The following ERI1 variants were observed in gnomAD, a reference collection of about 807,000 sequenced individuals.
ERI1 encodes the protein 3'-5' exoribonuclease 1.
Under a neutral mutation model 39.7 loss-of-function variants are expected in ERI1, and 39 were observed. That is an observed-to-expected ratio of 0.98 (90% CI 0.76 to 1.28). The LOEUF is 1.28. ERI1 is among the 50% of genes most tolerant of loss of function. The pLI is 0.00. For synonymous variants in ERI1, 204 were observed against 149.6 expected, an observed-to-expected ratio of 1.36 and a Z score of -2.65; for missense variants, 581 against 416.9, an observed-to-expected ratio of 1.39 and a Z score of -3.43.
intron 3 of ERI1, among the ~76,000 whole-genome samples, chr8:9,072,849 G>T (rs554414706): frequency 6.6e-6 from 1 of 152,272 alleles, no homozygotes; most frequent in South Asian, 2.1e-4. Flanking sequence ...GAGTGTGCTC[G>T]GGTGAACTGC....
rs912208485 is a variant in ERI1, at chr8:9,002,923, C to A, written c.-141C>A. On this transcript the variant is annotated 5_prime_UTR_variant, in exon 1 of 7. Transcript: ENST00000250263. The stretch of plus-strand genomic sequence containing the variant: ...CACGCTCCCGGAAGTGGGAGGTGGC[C>A]GCTGGAGTTTGTGTGGCCGCCGCCG... 1.9e-6 allele frequency: 1 copy of A among 529,896 alleles called. No individual in the cohort carries two copies. Among genetic ancestry groups the A allele is most frequent in the Non-Finnish European group, 2.9e-6 (1 of 346,966 alleles). The allele number at this position is 529,896 out of a possible 1,614,324, so 32.8% of individuals were successfully genotyped here. A position where few individuals can be genotyped will look rare whatever the true frequency, so the allele number is the denominator to read the frequency against.
At chr8:9,005,158 C>T (rs184278331) in intron 1 of ERI1, among the ~76,000 whole-genome samples, 23 of 152,228 alleles carry the variant, frequency 1.5e-4, no homozygotes, top group Middle Eastern at 3.4e-3. Flanking sequence ...GGAAGAACGT[C>T]AATCAAGAAA....
At chr8:9,067,971 A>G (rs977772568) in intron 3 of ERI1, among the ~76,000 whole-genome samples, 1 of 152,098 alleles carries the variant, frequency 6.6e-6, no homozygotes, top group Admixed American at 6.6e-5. Flanking sequence ...CACAAATATT[A>G]TATAACATTC....
chr8:9,060,493 A>G (rs1798657639), intron 3 of ERI1, among the ~76,000 whole-genome samples: 1 of 152,228 alleles, frequency 6.6e-6, no homozygotes, highest in Admixed American at 6.5e-5. Context: ...CAGATGGAAC[A>G]CTGAGAAGTG....
chr8:9,092,058 G>A (rs1799724499), intron 3 of ERI1, among the ~76,000 whole-genome samples: 1 of 152,180 alleles, frequency 6.6e-6, no homozygotes, highest in Non-Finnish European at 1.5e-5. Flanking sequence ...CTGGGCTCAA[G>A]TGATCCTCCT....
In ERI1 at chr8:9,018,325, C is replaced by G; in HGVS notation, c.611C>G (p.Pro204Arg). Residue 204 changes from proline to arginine, a missense_variant, in exon 5 of 7, where the codon CCT becomes CGT. Pro to Arg is a moderately radical substitution (Grantham distance 103, BLOSUM62 -2). Transcript: ENST00000250263. ...CAGGTAGACAGAGCTGATACCTTCC[C>G]TCAGGTACTAAAAAAAGTAATTGAC... The part of the protein sequence containing the change: ...QDQVDRADTF[P>R]QVLKKVIDWM... The G allele has an allele frequency of 9.9e-6, 16 of 1,612,302 alleles. No homozygotes were observed. The highest frequency in any genetic ancestry group is 1.4e-5 in the Non-Finnish European group (16 of 1,178,634).
At chr8:9,018,203 C>T (rs1817503880) in intron 4 of ERI1, 94 bp from the exon 5 acceptor site, 3 of 615,106 alleles carry the variant, frequency 4.9e-6, no homozygotes, top group Admixed American at 5.7e-5. Flanking sequence ...CTTTCTCATA[C>T]TGTTTCTTCC....
chr8:9,027,224 T>C (rs537143471), intron 6 of ERI1, among the ~76,000 whole-genome samples: 1 of 151,976 alleles, frequency 6.6e-6, no homozygotes, highest in Non-Finnish European at 1.5e-5. Flanking sequence ...ATTGTGGTTT[T>C]GATTTGTATT....
chr8:9,004,234 G>A, intron 1 of ERI1: 1 of 1,240,952 alleles, frequency 8.1e-7, no homozygotes. Flanking sequence ...CCCTTCTCTT[G>A]TAAAGAACCA....
intron 4 of ERI1, among the ~76,000 whole-genome samples, chr8:9,017,842 G>A (rs1817468513): frequency 6.6e-6 from 1 of 152,192 alleles, no homozygotes. Flanking sequence ...GAGGATTTAA[G>A]TATGAGAGTG....
intron 5 of ERI1, among the ~76,000 whole-genome samples, chr8:9,020,038 G>T (rs986003952): frequency 6.6e-6 from 1 of 152,072 alleles, no homozygotes; most frequent in Admixed American, 6.6e-5. Flanking sequence ...ACCATGCTAA[G>T]TCTGGCAGTA....
At chr8:9,034,305 G>A (rs530052449), downstream of ERI1, among the ~76,000 whole-genome samples, 13 of 152,350 alleles carry the variant, frequency 8.5e-5, no homozygotes, top group South Asian at 1.0e-3. Context: ...CACAAGGCAT[G>A]CTTCATTTTA....
intron 1 of ERI1, chr8:9,004,302 TG>T: frequency 8.9e-7 from 1 of 1,127,628 alleles, no homozygotes; most frequent in South Asian, 1.9e-5. Flanking sequence ...ATCCTGTAAG[TG>T]GGTTTTAAAA....
At chr8:9,073,136 C>G (rs937281761) in intron 3 of ERI1, among the ~76,000 whole-genome samples, 1 of 152,170 alleles carries the variant, frequency 6.6e-6, no homozygotes, top group Non-Finnish European at 1.5e-5. Context: ...TCTTGGTTGC[C>G]TTCTCAGCCA....
chr8:9,020,677 A>G (rs1039394165), intron 6 of ERI1, among the ~76,000 whole-genome samples: 4 of 152,180 alleles, frequency 2.6e-5, no homozygotes, highest in Non-Finnish European at 5.9e-5. Context: ...TTAACTATAT[A>G]TACCTGACAA....
At chr8:9,038,966 G>C (rs1797937287) in intron 3 of ERI1, among the ~76,000 whole-genome samples, 1 of 152,140 alleles carries the variant, frequency 6.6e-6, no homozygotes, top group African/African-American at 2.4e-5. Context: ...ATTGTGATCT[G>C]TGATGATAAA....
intron 3 of ERI1, chr8:9,091,321 G>C (rs1799696657): frequency 6.6e-6 from 1 of 152,170 alleles, no homozygotes; most frequent in Admixed American, 6.6e-5. Context: ...AGGAGTTCAA[G>C]ACCAGCCTGG....
Position 9,042,948 on chromosome 8 carries a change from C to T in ERI1, n.299+22484C>T, listed in dbSNP as rs78025034. 4.7e-4 allele frequency among the ~76,000 whole-genome samples: 71 copies of T among 152,274 alleles called. 1 individual carries two copies. In the East Asian group the frequency reaches 0.013, roughly 27 times the overall value. On this transcript the variant is annotated intron_variant and non_coding_transcript_variant, in intron 3 of 3. Coordinates refer to the ERI1 transcript ENST00000518663. Reference sequence around the variant, plus strand: ...CCCACGCGCAGTGCCGTATGTCCCCCGGCACATGCTCTGCAGTCTGCAAGG... The same window carrying T: ...CCCACGCGCAGTGCCGTATGTCCCCTGGCACATGCTCTGCAGTCTGCAAGG...
intron 3 of ERI1, among the ~76,000 whole-genome samples, chr8:9,046,175 T>C (rs34712023): frequency 0.14 from 21,083 of 152,222 alleles, 1,604 homozygotes; most frequent in African/African-American, 0.17. Flanking sequence ...TCGCCATTGG[T>C]CTTGCTGATG....
Sources: allele counts gnomAD v4.1 joint callset (sites outside exome capture counted in the v4.1 genomes callset), GRCh38; gene constraint gnomAD v4.1.1; transcripts MANE v1.5; gene names NCBI Gene and HGNC (gene_info 2026-07-23, HGNC 2026-07-21).